Variants in SORL1 observed in about 807,000 individuals in gnomAD.
The protein encoded by SORL1 is sortilin-related receptor.
Under a neutral mutation model 273.7 loss-of-function variants are expected in SORL1, and 127 were observed. That is an observed-to-expected ratio of 0.46 (90% CI 0.40 to 0.54). The LOEUF is 0.54. Ranked by LOEUF, SORL1 falls within the 20% of genes least tolerant of loss-of-function variation. The pLI is 0.00. For missense variants in SORL1, 2,494 were observed against 2,846.1 expected, an observed-to-expected ratio of 0.88 and a Z score of 2.81; for synonymous variants, 1,031 against 1,067.4, an observed-to-expected ratio of 0.97 and a Z score of 0.66.
chr11:121,547,345 T>TTC (rs1862443176), intron 14 of SORL1, among the ~76,000 whole-genome samples: 1 of 138,346 alleles, frequency 7.2e-6, no homozygotes. Flanking sequence ...TTTTTTTTTT[T>TTC]CATGACATTT....
rs1486646683 is a variant in SORL1, at chr11:121,595,578, C to T, written c.4370-45C>T. Reference sequence around the variant, plus strand: ...TTGATTGGTTGCTGTTATTGGCCAGCTCCCTCAATATTAAAAAGTAAATTT... The same window carrying T: ...TTGATTGGTTGCTGTTATTGGCCAGTTCCCTCAATATTAAAAAGTAAATTT... On this transcript the variant is annotated intron_variant, in intron 31 of 47. Coordinates refer to ENST00000260197, the MANE Select transcript of SORL1 (RefSeq NM_003105.6). The surrounding 1 kb of genome is among the most constrained non-coding windows in gnomAD (Gnocchi z 5.1). The T allele has an allele frequency of 5.3e-6, 8 of 1,513,226 alleles. No individual in the cohort carries two copies. The highest frequency in any genetic ancestry group is 7.1e-6 in the Non-Finnish European group (8 of 1,120,604). The allele number at this position is 1,513,226 out of a possible 1,614,324, so 93.7% of individuals were successfully genotyped here.
chr11:121,523,613 T>TAAA (rs755456803), intron 11 of SORL1, among the ~76,000 whole-genome samples: 20 of 141,868 alleles, frequency 1.4e-4, no homozygotes, highest in African/African-American at 5.2e-4. Flanking sequence ...TCCAAACTTG[T>TAAA]AAAAAAAAAA....
Position 121,483,348 on chromosome 11 carries a change from G to A in SORL1, c.529-4684G>A, listed in dbSNP as rs545445174. ...TCCTGCCTTTTTCCAGGCAGAGGTT[G>A]GTCCTAGGTAAAATTTCATTCCCAC... On this transcript the variant is annotated intron_variant, in intron 3 of 47. Transcript: ENST00000260197. 1.1e-3 allele frequency among the ~76,000 whole-genome samples: 172 copies of A among 152,268 alleles called. 1 individual carries two copies. Among genetic ancestry groups the A allele is most frequent in the African/African-American group, 3.0e-3 (125 of 41,544 alleles).
chr11:121,602,077 T>C (rs1364263045), intron 32 of SORL1, among the ~76,000 whole-genome samples: 1 of 152,198 alleles, frequency 6.6e-6, no homozygotes. Context: ...AGGACCTCCA[T>C]GAATGTTCAC....
At position 121,557,337 on chromosome 11, in the gene SORL1, C is replaced by T; in HGVS notation, c.2595C>T (p.Phe865=). 6.2e-7 allele frequency: 1 copy of T among 1,614,174 alleles called. No individual in the cohort carries two copies. Among genetic ancestry groups the T allele is most frequent in the South Asian group, 1.1e-5 (1 of 91,084 alleles). The change falls in exon 19 of 48, where the codon TTC becomes TTT. Residue 865 remains phenylalanine (F), a synonymous_variant. Coordinates refer to ENST00000260197, the MANE Select transcript of SORL1 (RefSeq NM_003105.6). The part of the protein sequence containing the change: ...KIEVANPDGD[F]RLTIVNSSVL... ...AGGTAGCTAATCCAGATGGCGACTTCCGACTCACAATCGTCAATTCCTCTG... is the reference window on the plus strand; with the variant it reads ...AGGTAGCTAATCCAGATGGCGACTTTCGACTCACAATCGTCAATTCCTCTG...
intron 32 of SORL1, among the ~76,000 whole-genome samples, chr11:121,602,458 T>G (rs1184320924): frequency 6.6e-6 from 1 of 152,224 alleles, no homozygotes; most frequent in Non-Finnish European, 1.5e-5. Context: ...GCATGTCTTC[T>G]CACCACCTCC....
At chr11:121,519,520 A>C (rs1455008725) in intron 8 of SORL1, among the ~76,000 whole-genome samples, 1 of 151,912 alleles carries the variant, frequency 6.6e-6, no homozygotes, top group African/African-American at 2.4e-5. Context: ...CATGCCGTCC[A>C]TATTCTCTTA....
intron 23 of SORL1, 67 bp from the exon 24 acceptor site, chr11:121,574,174 A>G: frequency 6.7e-7 from 1 of 1,496,910 alleles, no homozygotes; most frequent in Non-Finnish European, 9.3e-7. Context: ...GTTTTCCAGT[A>G]GGATGTTTAC....
Position 121,606,920 on chromosome 11 carries a change from C to T in SORL1, c.5024C>T (p.Pro1675Leu), listed in dbSNP as rs1234073620. The part of the protein sequence containing the change: ...AEGVIVGHWA[P>L]PIHTHGLIRE... ...GGTGTGATTGTAGGCCACTGGGCTC[C>T]TCCCATCCACACCCATGGCCTCATC... Residue 1675 changes from proline (P) to leucine (L), a missense_variant, in exon 36 of 48, where the codon CCT becomes CTT. Pro to Leu is a moderately conservative substitution (Grantham distance 98). Coordinates refer to ENST00000260197, the MANE Select transcript of SORL1 (RefSeq NM_003105.6). 2 of 1,614,102 alleles carry T rather than the reference C, an allele frequency of 1.2e-6. No homozygotes were observed. Among genetic ancestry groups the T allele is most frequent in the Admixed American group, 1.7e-5 (1 of 60,032 alleles).
At chr11:121,622,445 C>T (rs150852659) in intron 45 of SORL1, among the ~76,000 whole-genome samples, 177 bp downstream of exon 45, 3 of 152,320 alleles carry the variant, frequency 2.0e-5, no homozygotes, top group East Asian at 1.9e-4. Context: ...TGCTAATTAG[C>T]GAAATGCTTA....
intron 12 of SORL1, among the ~76,000 whole-genome samples, chr11:121,538,340 C>A (rs1215516460): frequency 6.6e-6 from 1 of 152,138 alleles, no homozygotes; most frequent in Non-Finnish European, 1.5e-5. Context: ...CAGTGCTCTC[C>A]ACCCCCAAAC....
intron 31 of SORL1, among the ~76,000 whole-genome samples, chr11:121,593,918 C>A (rs1424036827): frequency 6.6e-6 from 1 of 152,128 alleles, no homozygotes; most frequent in Non-Finnish European, 1.5e-5. Flanking sequence ...CTGGAAAATG[C>A]CTGAGAAAAT....
At chr11:121,523,592 A>G (rs758962374) in intron 11 of SORL1, among the ~76,000 whole-genome samples, 4 of 151,942 alleles carry the variant, frequency 2.6e-5, no homozygotes, top group Non-Finnish European at 4.4e-5. Context: ...ATCTTTGGGC[A>G]TTAGAGAATT....
In SORL1 at chr11:121,633,329, A is replaced by G. The variant is rs1202111033; in HGVS notation, c.*3766A>G. Reference sequence around the variant, plus strand: ...AAGAATGGTATGAGTTTCATGTGTAATAGCTCAAATGGAATAAGCATGAAT... The same window carrying G: ...AAGAATGGTATGAGTTTCATGTGTAGTAGCTCAAATGGAATAAGCATGAAT... On this transcript the variant is annotated 3_prime_UTR_variant, in exon 48 of 48. Coordinates refer to ENST00000260197, the MANE Select transcript of SORL1 (RefSeq NM_003105.6). The G allele has an allele frequency of 6.6e-6, 1 of 152,206 alleles. No individual in the cohort carries two copies. Among genetic ancestry groups the G allele is most frequent in the African/African-American group, 2.4e-5 (1 of 41,454 alleles). The allele number at this position is 152,206 out of a possible 1,614,324, so 9.4% of individuals were successfully genotyped here.
intron 3 of SORL1, among the ~76,000 whole-genome samples, chr11:121,486,911 A>G (rs12287560): frequency 0.013 from 2,005 of 152,094 alleles, 45 homozygotes; most frequent in African/African-American, 0.045. Flanking sequence ...GCACTGAGCC[A>G]TGATTGTGCC....
chr11:121,613,791 A>G (rs1863601550), intron 40 of SORL1, among the ~76,000 whole-genome samples: 1 of 152,240 alleles, frequency 6.6e-6, no homozygotes, highest in East Asian at 1.9e-4. Flanking sequence ...TCCACAGCCT[A>G]TGATCTCATT....
intron 13 of SORL1, among the ~76,000 whole-genome samples, 190 bp from the exon 14 acceptor site, chr11:121,545,053 G>A (rs577824563): frequency 7.2e-5 from 11 of 152,178 alleles, no homozygotes; most frequent in South Asian, 6.2e-4. Context: ...AGATGCCTGC[G>A]TTTCAGGTAT....
chr11:121,466,911 T>C (rs1256867468), intron 1 of SORL1, among the ~76,000 whole-genome samples: 2 of 152,074 alleles, frequency 1.3e-5, no homozygotes, highest in African/African-American at 2.4e-5. Context: ...AGTCTGCTCT[T>C]ATGAGTAAAA....
intron 40 of SORL1, 62 bp downstream of exon 40, chr11:121,612,894 C>A: frequency 8.3e-7 from 1 of 1,208,828 alleles, no homozygotes; most frequent in East Asian, 2.4e-5. Flanking sequence ...CAATGCTTTC[C>A]CGCTGTAGAG....
Sources: allele counts gnomAD v4.1 joint callset (sites outside exome capture counted in the v4.1 genomes callset), GRCh38; gene constraint gnomAD v4.1.1; non-coding constraint Gnocchi (gnomAD v3.1); transcripts MANE v1.5; gene names NCBI Gene and HGNC (gene_info 2026-07-23, HGNC 2026-07-21).